Variants in ICE2 observed in about 807,000 individuals in gnomAD.
The protein encoded by ICE2 is interactor of little elongation complex ELL subunit 2.
In ICE2, 87 loss-of-function variants were observed where a neutral mutation model predicts 105.4. The ratio of observed to expected loss-of-function variants is 0.83; its 90% CI spans 0.69 to 0.99. The LOEUF is 0.99. ICE2 is among the 50% of genes least tolerant of loss of function. The pLI, the probability that ICE2 is intolerant of heterozygous loss-of-function variation, is 0.00. For missense variants in ICE2, 1,323 were observed against 1,146.7 expected, an observed-to-expected ratio of 1.15 and a Z score of -2.22; for synonymous variants, 399 against 392.0, an observed-to-expected ratio of 1.02 and a Z score of -0.21.
rs905457484 is a variant in ICE2 at position 60,423,303 on chromosome 15, A to G, written c.*331T>C. On this transcript the variant is annotated 3_prime_UTR_variant, in exon 16 of 16. Transcript: ENST00000261520. The stretch of plus-strand genomic sequence containing the variant: ...AATATAACTAACACAATACATAACG[A>G]TAAGTGTTGTTCTTGATAAAAAACC... 1.7e-5 allele frequency: 3 copies of G among 175,502 alleles called. No individual in the cohort carries two copies. The South Asian group carries it at 3.9e-4, about 23-fold the overall frequency. The allele number at this position is 175,502 out of a possible 1,614,324, so 10.9% of individuals were successfully genotyped here.
chr15:60,446,527 C>T (rs1209493815), intron 11 of ICE2, among the ~76,000 whole-genome samples: 1 of 152,168 alleles, frequency 6.6e-6, no homozygotes, highest in Non-Finnish European at 1.5e-5. Flanking sequence ...TCCCACGTAG[C>T]TGGGACTACA....
At chr15:60,441,749 A>G (rs893895709) in intron 12 of ICE2, 2 of 152,196 alleles carry the variant, frequency 1.3e-5, no homozygotes, top group Non-Finnish European at 2.9e-5. Flanking sequence ...CAAGTAATCT[A>G]TTATGTGAGG....
chr15:60,445,110 A>G (rs997354169), intron 11 of ICE2, among the ~76,000 whole-genome samples: 1 of 152,228 alleles, frequency 6.6e-6, no homozygotes, highest in Non-Finnish European at 1.5e-5. Context: ...TAAAATGACA[A>G]CTAAAATAAT....
Position 60,449,227 on chromosome 15 carries a change from A to T in ICE2, c.1740T>A (p.Ile580=). The change falls in exon 10 of 16, where the codon ATT becomes ATA. Residue 580 remains isoleucine (I), a synonymous_variant. Coordinates refer to ENST00000261520, the MANE Select transcript of ICE2 (RefSeq NM_024611.6). The stretch of plus-strand genomic sequence containing the variant: ...CACTATTATTTTTACATTCTGTATC[A>T]ATGATTAAACACTCCTCATCTGTAT... ...SSDTDEECLI[I]DTECKNNSDG... 2 of 1,614,034 alleles carry T rather than the reference A, an allele frequency of 1.2e-6. No individual in the cohort carries two copies. The highest frequency in any genetic ancestry group is 1.7e-6 in the Non-Finnish European group (2 of 1,180,022).
In ICE2 at chr15:60,448,818, A is replaced by G. The variant is rs770922489; in HGVS notation, c.2119+30T>C. The stretch of plus-strand genomic sequence containing the variant: ...CCTAAGGAAAAAGAACAAGTAAAAC[A>G]CTGTAAGCTCTTTGTAAATATTTAC... On this transcript the variant is annotated intron_variant, in intron 10 of 15. Coordinates refer to ENST00000261520, the MANE Select transcript of ICE2 (RefSeq NM_024611.6). 5.9e-6 allele frequency: 9 copies of G among 1,537,198 alleles called. No individual in the cohort carries two copies. In the East Asian group the frequency reaches 1.4e-4, roughly 23 times the overall value.
In ICE2 at chr15:60,447,983, T is replaced by C; in HGVS notation, c.2282A>G (p.Lys761Arg). The part of the protein sequence containing the change: ...IETRPRSKKR[K>R]KIRRQFPVYV... ...ATAACAACTTACTCTTCTGATTTTCTTCCGTTTTTTAGAACGTGGTCTTGT... is the reference window on the plus strand; with the variant it reads ...ATAACAACTTACTCTTCTGATTTTCCTCCGTTTTTTAGAACGTGGTCTTGT... The change falls in exon 11 of 16, where the codon AAG (lysine) becomes AGG (arginine). Residue 761 changes from lysine (K) to arginine (R), a missense_variant. Coordinates refer to ENST00000261520, the MANE Select transcript of ICE2 (RefSeq NM_024611.6). The C allele has an allele frequency of 6.2e-7, 1 of 1,608,328 alleles. No individual in the cohort carries two copies. The highest frequency in any genetic ancestry group is 1.1e-5 in the South Asian group (1 of 89,336).
intron 5 of ICE2, among the ~76,000 whole-genome samples, chr15:60,463,191 A>C (rs1431858417): frequency 6.6e-6 from 1 of 152,146 alleles, no homozygotes; most frequent in Non-Finnish European, 1.5e-5. Context: ...CTGAGATGTA[A>C]CTCTATCGTG....
intron 13 of ICE2, among the ~76,000 whole-genome samples, chr15:60,433,515 G>A (rs1396276138): frequency 6.6e-6 from 1 of 151,136 alleles, no homozygotes; most frequent in African/African-American, 2.4e-5. Context: ...TTTTTGAGAT[G>A]AGTCTTGCTC....
intron 12 of ICE2, chr15:60,440,409 G>T (rs2063694240): frequency 6.6e-6 from 1 of 152,186 alleles, no homozygotes. Flanking sequence ...CTGTCTTAAA[G>T]GAGTAAATCT....
At chr15:60,427,878 T>A (rs1378048706) in intron 15 of ICE2, among the ~76,000 whole-genome samples, 1 of 152,230 alleles carries the variant, frequency 6.6e-6, no homozygotes, top group African/African-American at 2.4e-5. Context: ...GAGAGTAATG[T>A]TAATTGTAAT....
intron 13 of ICE2, among the ~76,000 whole-genome samples, chr15:60,434,920 A>T (rs2063549580): frequency 6.6e-6 from 1 of 152,190 alleles, no homozygotes; most frequent in African/African-American, 2.4e-5. Flanking sequence ...CACAAAGATA[A>T]ATGTTTGAGG....
intron 11 of ICE2, among the ~76,000 whole-genome samples, chr15:60,443,763 T>G (rs2063767450): frequency 6.6e-6 from 1 of 152,154 alleles, no homozygotes; most frequent in Admixed American, 6.6e-5. Context: ...TGATTTAGTC[T>G]CTCATAACTT....
In ICE2 at chr15:60,422,820, C is replaced by G. The variant is rs2063258731; in HGVS notation, c.*814G>C. The stretch of plus-strand genomic sequence containing the variant: ...TGCCACTGCACTCCAGCCTGGGCAA[C>G]AGAGCGAGACTCCATCTCAAAAAAA... On this transcript the variant is annotated 3_prime_UTR_variant, in exon 16 of 16. Transcript: ENST00000261520. 6.7e-6 allele frequency: 1 copy of G among 149,648 alleles called. No individual in the cohort carries two copies. The highest frequency in any genetic ancestry group is 2.5e-5 in the African/African-American group (1 of 40,302). 9.3% of individuals were successfully genotyped at this position (149,648 alleles called of 1,614,324 possible).
At chr15:60,472,153 T>G (rs185336555) in intron 3 of ICE2, among the ~76,000 whole-genome samples, 6 of 152,130 alleles carry the variant, frequency 3.9e-5, no homozygotes, top group Non-Finnish European at 5.9e-5. Context: ...TTTCCAAATA[T>G]TCTATAATTT....
At chr15:60,450,167 C>T (rs2063930845) in intron 9 of ICE2, among the ~76,000 whole-genome samples, 1 of 152,130 alleles carries the variant, frequency 6.6e-6, no homozygotes, top group South Asian at 2.1e-4. Context: ...AAATGTAGGG[C>T]CAAACGGGAG....
Position 60,428,410 on chromosome 15 carries a change from A to T in ICE2, c.2820+19T>A, listed in dbSNP as rs1226541161. On this transcript the variant is annotated intron_variant, in intron 15 of 15. Coordinates refer to ENST00000261520, the MANE Select transcript of ICE2 (RefSeq NM_024611.6). The stretch of plus-strand genomic sequence containing the variant: ...TAATAAACAACCTAATGAACCTTTA[A>T]TTTCAAAAAAGATCTTACCTTTTGT... 4 of 1,605,468 alleles carry T rather than the reference A, an allele frequency of 2.5e-6. No homozygotes were observed. Among genetic ancestry groups the T allele is most frequent in the African/African-American group, 1.3e-5 (1 of 74,504 alleles).
chr15:60,432,664 G>A (rs898932466), intron 13 of ICE2, among the ~76,000 whole-genome samples: 4 of 151,650 alleles, frequency 2.6e-5, no homozygotes, highest in African/African-American at 4.8e-5. Flanking sequence ...AGGCCAAGAC[G>A]GGCAGATCAC....
chr15:60,441,806 T>A (rs1459015634), intron 12 of ICE2: 2 of 152,340 alleles, frequency 1.3e-5, no homozygotes, highest in Non-Finnish European at 2.9e-5. Flanking sequence ...AACTTCAGCC[T>A]AATCCCCATA....
chr15:60,478,858 A>AG, intron 1 of ICE2, 145 bp downstream of exon 1: 1 of 420,532 alleles, frequency 2.4e-6, no homozygotes, highest in Non-Finnish European at 4.9e-6. Flanking sequence ...CAAGCAAAGC[A>AG]GGGGTAGGAG....
Sources: allele counts gnomAD v4.1 joint callset (sites outside exome capture counted in the v4.1 genomes callset), GRCh38; gene constraint gnomAD v4.1.1; transcripts MANE v1.5; gene names NCBI Gene and HGNC (gene_info 2026-07-23, HGNC 2026-07-21).